Variants in MMP16 observed in about 807,000 individuals in gnomAD.
The protein encoded by MMP16 is matrix metalloproteinase-16.
A neutral mutation model predicts 67.8 loss-of-function variants in MMP16; 12 were observed. The ratio of observed to expected loss-of-function variants is 0.18; its 90% CI spans 0.11 to 0.29. The LOEUF (loss-of-function observed/expected upper bound fraction) is 0.29, where lower values mean the gene tolerates loss of function less well. MMP16 is among the 10% of genes least tolerant of loss of function. The pLI is 1.00. For missense variants in MMP16, 475 were observed against 765.7 expected (o/e 0.62, Z 4.48); for synonymous variants, 249 against 255.9 (o/e 0.97, Z 0.26).
chr8:88,205,903 G>T (rs1415652309), intron 1 of MMP16, among the ~76,000 whole-genome samples: 1 of 151,768 alleles, frequency 6.6e-6, no homozygotes, highest in Non-Finnish European at 1.5e-5. Flanking sequence ...ACTCATAATC[G>T]ATATCAGTCA....
intron 1 of MMP16, among the ~76,000 whole-genome samples, chr8:88,222,029 T>C (rs1247979675): frequency 6.6e-6 from 1 of 152,060 alleles, no homozygotes; most frequent in Middle Eastern, 3.2e-3. Flanking sequence ...TCCTGCTTTT[T>C]TTTATACCTT....
rs758638044 is a variant in MMP16, at chr8:88,082,040, G to A, written c.1084-7297C>T. Among the ~76,000 whole-genome samples, 10 of 152,008 alleles carry A rather than the reference G, an allele frequency of 6.6e-5. 1 individual carries two copies. Among genetic ancestry groups the A allele is most frequent in the Non-Finnish European group, 1.5e-4 (10 of 68,004 alleles). ...ACATGGAGAAAATATGTGTATCCCAGCTCACAAATGGTCAATTAATCTAAT... is the reference window on the plus strand; with the variant it reads ...ACATGGAGAAAATATGTGTATCCCAACTCACAAATGGTCAATTAATCTAAT... On this transcript the variant is annotated intron_variant, in intron 6 of 9. Coordinates refer to ENST00000286614, the MANE Select transcript of MMP16 (RefSeq NM_005941.5).
In MMP16 at chr8:88,041,381, A is replaced by G; in HGVS notation, c.*80T>C. 7.0e-7 allele frequency: 1 copy of G among 1,433,242 alleles called. No homozygotes were observed. Among genetic ancestry groups the G allele is most frequent in the Non-Finnish European group, 9.6e-7 (1 of 1,046,662 alleles). The allele number at this position is 1,433,242 out of a possible 1,614,324, so 88.8% of individuals were successfully genotyped here. Reference sequence around the variant, plus strand: ...TGCCACAAGCCTGCTCCTAGCTAGGAAACAGCATAACAGCTCTTGTCTTGA... The same window carrying G: ...TGCCACAAGCCTGCTCCTAGCTAGGGAACAGCATAACAGCTCTTGTCTTGA... On this transcript the variant is annotated 3_prime_UTR_variant, in exon 10 of 10. Coordinates refer to ENST00000286614, the MANE Select transcript of MMP16 (RefSeq NM_005941.5). The surrounding 1 kb of genome is among the most constrained non-coding windows in gnomAD (Gnocchi z 6.0).
At chr8:88,264,358 C>G (rs1460951399) in intron 1 of MMP16, among the ~76,000 whole-genome samples, 2 of 152,082 alleles carry the variant, frequency 1.3e-5, no homozygotes, top group East Asian at 3.9e-4. Context: ...CATCACCACA[C>G]CCGGCTGATT....
At chr8:88,326,514 AG>A (rs977129114) in intron 1 of MMP16, among the ~76,000 whole-genome samples, 8 of 152,132 alleles carry the variant, frequency 5.3e-5, no homozygotes, top group African/African-American at 1.7e-4. Context: ...CTGTGTAGCC[AG>A]ATCTAGTTAC....
intron 6 of MMP16, among the ~76,000 whole-genome samples, chr8:88,108,723 T>C (rs955588540): frequency 1.3e-5 from 2 of 151,346 alleles, no homozygotes; most frequent in South Asian, 4.1e-4. Context: ...TCTTAAAGTG[T>C]AAGGTTTCCA....
intron 1 of MMP16, among the ~76,000 whole-genome samples, chr8:88,201,005 T>C (rs1225051757): frequency 6.6e-6 from 1 of 151,910 alleles, no homozygotes; most frequent in Non-Finnish European, 1.5e-5. Context: ...AATATAAAGC[T>C]AGATACTGTT....
intron 6 of MMP16, among the ~76,000 whole-genome samples, chr8:88,096,559 C>T (rs563446509): frequency 6.6e-6 from 1 of 151,552 alleles, no homozygotes; most frequent in Non-Finnish European, 1.5e-5. Flanking sequence ...AAGAGAAATA[C>T]AACTACTTTG....
intron 1 of MMP16, among the ~76,000 whole-genome samples, chr8:88,307,055 A>C: frequency 6.6e-6 from 1 of 152,316 alleles, no homozygotes; most frequent in East Asian, 1.9e-4. Context: ...AAGCATCTTA[A>C]GCTGATAAGC....
At chr8:88,287,909 A>T (rs946124150) in intron 1 of MMP16, among the ~76,000 whole-genome samples, 3 of 152,192 alleles carry the variant, frequency 2.0e-5, no homozygotes, top group African/African-American at 7.2e-5. Context: ...TGATTTGCTA[A>T]AGGCAACTGT....
intron 1 of MMP16, among the ~76,000 whole-genome samples, chr8:88,241,919 G>C (rs1410287341): frequency 1.3e-5 from 2 of 151,940 alleles, no homozygotes; most frequent in African/African-American, 4.8e-5. Flanking sequence ...AGCTAAGACG[G>C]ATATGAAAAG....
chr8:88,091,349 A>G (rs894473886), intron 6 of MMP16, among the ~76,000 whole-genome samples: 1 of 151,896 alleles, frequency 6.6e-6, no homozygotes, highest in Admixed American at 6.6e-5. Flanking sequence ...AGTCAGATAC[A>G]GTAGAAATTG....
At chr8:88,119,674 G>A (rs1807786636) in intron 4 of MMP16, among the ~76,000 whole-genome samples, 2 of 151,950 alleles carry the variant, frequency 1.3e-5, no homozygotes, top group South Asian at 2.1e-4. Context: ...TTCAGTCCTG[G>A]ATCATCATAA....
rs377689057 is a variant in MMP16 at position 88,224,810 on chromosome 8, CAG to C, written c.133-27506_133-27505del. Among the ~76,000 whole-genome samples the C allele has an allele frequency of 2.7e-3, 412 of 152,050 alleles. 4 individuals are homozygous for C. In the Middle Eastern group the frequency reaches 0.048, roughly 18 times the overall value. On this transcript the variant is annotated intron_variant, in intron 1 of 9. Coordinates refer to ENST00000286614, the MANE Select transcript of MMP16 (RefSeq NM_005941.5). ...TAAGCAGGTTTCTTTCTGAGAACCT[CAG>C]AGAGTTAATGTGAGATGAAAAATCA...
intron 9 of MMP16, 100 bp downstream of exon 9, chr8:88,046,569 A>T: frequency 1.6e-6 from 1 of 624,010 alleles, no homozygotes; most frequent in Non-Finnish European, 2.7e-6. Context: ...ACATAGCTCT[A>T]GTATAGCACT....
intron 2 of MMP16, among the ~76,000 whole-genome samples, chr8:88,192,696 C>G (rs558445272): frequency 6.6e-6 from 1 of 152,226 alleles, no homozygotes; most frequent in Non-Finnish European, 1.5e-5. Context: ...AACATATTGA[C>G]AAGCCAAAAA....
At chr8:88,114,522 C>A (rs1408241847) in intron 6 of MMP16, among the ~76,000 whole-genome samples, 1 of 151,926 alleles carries the variant, frequency 6.6e-6, no homozygotes, top group African/African-American at 2.4e-5. Flanking sequence ...TTTCCATTCA[C>A]ACATTCTTGA....
At chr8:88,046,008 C>T (rs28906970) in intron 9 of MMP16, among the ~76,000 whole-genome samples, 1,623 of 152,186 alleles carry the variant, frequency 0.011, 16 homozygotes, top group Middle Eastern at 0.024. Flanking sequence ...TTCCTATTTA[C>T]TAATCCCTGG....
chr8:88,229,012 A>T (rs1312928302), intron 1 of MMP16, among the ~76,000 whole-genome samples: 1 of 151,616 alleles, frequency 6.6e-6, no homozygotes, highest in Non-Finnish European at 1.5e-5. Context: ...TAAAAAAAAA[A>T]ATGTTGGGTG....
Sources: allele counts gnomAD v4.1 joint callset (sites outside exome capture counted in the v4.1 genomes callset), GRCh38; gene constraint gnomAD v4.1.1; non-coding constraint Gnocchi (gnomAD v3.1); transcripts MANE v1.5; gene names NCBI Gene and HGNC (gene_info 2026-07-23, HGNC 2026-07-21).